DNM2: variants seen among roughly 807,000 people sequenced by gnomAD.
DNM2 encodes the protein dynamin 2.
In DNM2, 15 loss-of-function variants were observed where a neutral mutation model predicts 99.0. The observed-to-expected ratio is 0.15, with a 90% CI of 0.10 to 0.23. The LOEUF is 0.23. DNM2 is among the 10% of genes least tolerant of loss of function. DNM2 has a pLI of 1.00. For missense variants in DNM2, 742 were observed against 1,189.4 expected (o/e 0.62, Z 5.53); for synonymous variants, 525 against 481.2 (o/e 1.09, Z -1.19).
intron 1 of DNM2, among the ~76,000 whole-genome samples, chr19:10,738,128 C>T (rs1233369354): frequency 2.0e-5 from 3 of 152,022 alleles, no homozygotes; most frequent in African/African-American, 4.8e-5. Flanking sequence ...CGTGGTGGCT[C>T]ATGCTTGTAA....
At chr19:10,767,616 C>CT (rs1302293768) in intron 2 of DNM2, among the ~76,000 whole-genome samples, 1 of 152,216 alleles carries the variant, frequency 6.6e-6, no homozygotes, top group Non-Finnish European at 1.5e-5. Flanking sequence ...GCTTTTAAAC[C>CT]TCTATTGGGC....
chr19:10,777,848 G>T (rs1256993772), intron 5 of DNM2, among the ~76,000 whole-genome samples: 2 of 151,986 alleles, frequency 1.3e-5, no homozygotes, highest in Non-Finnish European at 2.9e-5. Context: ...ACTTGCCTTG[G>T]CCTCCCAAAG....
chr19:10,830,366 C>A lies in DNM2; in HGVS notation c.2531C>A (p.Pro844Gln). The A allele has an allele frequency of 6.2e-7, 1 of 1,610,680 alleles. No individual in the cohort carries two copies. The highest frequency in any genetic ancestry group is 8.5e-7 in the Non-Finnish European group (1 of 1,179,590). The change falls in exon 20 of 21, where the codon CCA becomes CAA. Residue 844 changes from proline to glutamine, a missense_variant. By Grantham distance (76) the Pro-to-Gln change is moderately conservative. Coordinates refer to ENST00000389253, the MANE Select transcript of DNM2 (RefSeq NM_001005361.3). The surrounding 1 kb of genome is among the most constrained non-coding windows in gnomAD (Gnocchi z 4.8). The stretch of plus-strand genomic sequence containing the variant: ...GTTCGGATCCCCCCAGGGATTCCCC[C>A]AGGAGTGCCCAGGTAAGGCCAACCC... ...RPVRIPPGIP[P>Q]GVPSRRPPAA... is the part of the protein sequence containing the mutation.
intron 2 of DNM2, chr19:10,769,563 G>A (rs2070910355): frequency 6.6e-6 from 1 of 152,330 alleles, no homozygotes; most frequent in African/African-American, 2.4e-5. Flanking sequence ...CTCTTTGAAG[G>A]GAGATGGTCT....
intron 1 of DNM2, among the ~76,000 whole-genome samples, chr19:10,732,299 GAAAAAAAA>G: frequency 1.1e-5 from 1 of 91,022 alleles, no homozygotes; most frequent in South Asian, 3.9e-4. Context: ...TCGTTGTGGA[GAAAAAAAA>G]AAAAAAAAAA....
intron 6 of DNM2, chr19:10,786,300 A>G (rs2071555199): frequency 1.8e-6 from 1 of 541,740 alleles, no homozygotes; most frequent in Non-Finnish European, 3.3e-6. Flanking sequence ...TTGTCCTCCA[A>G]GGCGTGGATA....
Position 10,795,867 on chromosome 19 carries a change from T to C in DNM2, c.1196+428T>C, listed in dbSNP as rs554814272. 1.9e-5 allele frequency: 15 copies of C among 806,056 alleles called. No homozygotes were observed. In the South Asian group the frequency reaches 2.2e-4, roughly 12 times the overall value. The allele number at this position is 806,056 out of a possible 1,614,324, so 49.9% of individuals were successfully genotyped here. Reference sequence around the variant, plus strand: ...TTCTAACAAAGGTAGTTGCTCCAGGTGTCTGCCCTTCCATCGCCGTGGGGT... The same window carrying C: ...TTCTAACAAAGGTAGTTGCTCCAGGCGTCTGCCCTTCCATCGCCGTGGGGT... On this transcript the variant is annotated intron_variant, in intron 9 of 20. Coordinates refer to ENST00000389253, the MANE Select transcript of DNM2 (RefSeq NM_001005361.3). The surrounding 1 kb of genome is among the most constrained non-coding windows in gnomAD (Gnocchi z 4.2).
rs945311773 is a variant in DNM2 at position 10,756,735 on chromosome 19, G to GTCTTGCCTCCTCCCACTC, written c.162-2999_162-2982dup. On this transcript the variant is annotated intron_variant, in intron 1 of 20. Transcript: ENST00000389253. ...AAGTGTCTGTAGGGCGCTCCCCTCT[G>GTCTTGCCTCCTCCCACTC]TCTTGCCTCCTCCCACTCTCTGGCT... is the stretch of plus-strand genomic sequence containing the variant. 7.3e-4 allele frequency among the ~76,000 whole-genome samples: 111 copies of GTCTTGCCTCCTCCCACTC among 152,160 alleles called. 1 individual carries two copies. In the East Asian group the frequency reaches 0.017, roughly 24 times the overall value.
At chr19:10,782,648 G>T (rs973780828) in intron 5 of DNM2, among the ~76,000 whole-genome samples, 1 of 152,124 alleles carries the variant, frequency 6.6e-6, no homozygotes, top group East Asian at 1.9e-4. Context: ...GTGAGCCACC[G>T]CTCCCGGCCG....
intron 12 of DNM2, among the ~76,000 whole-genome samples, chr19:10,804,462 G>A (rs2072266321): frequency 6.6e-6 from 1 of 152,166 alleles, no homozygotes; most frequent in African/African-American, 2.4e-5. Flanking sequence ...AGGCCAAGGT[G>A]GGTCGATTGC....
intron 2 of DNM2, among the ~76,000 whole-genome samples, chr19:10,767,291 C>T (rs1036903587): frequency 1.3e-5 from 2 of 152,052 alleles, no homozygotes; most frequent in African/African-American, 4.8e-5. Context: ...AGGCTAGGCC[C>T]TCCACTCTAT....
intron 12 of DNM2, among the ~76,000 whole-genome samples, chr19:10,803,469 G>C (rs949855501): frequency 6.6e-6 from 1 of 152,200 alleles, no homozygotes; most frequent in Admixed American, 6.5e-5. Context: ...CCCGGCCGCC[G>C]GGTGTGTGTG....
intron 7 of DNM2, among the ~76,000 whole-genome samples, chr19:10,789,866 A>C (rs1490470594): frequency 6.6e-6 from 1 of 152,168 alleles, no homozygotes; most frequent in Non-Finnish European, 1.5e-5. Flanking sequence ...TAAATAAATA[A>C]ATTTAAATAC....
At chr19:10,726,820 G>A (rs891856579) in intron 1 of DNM2, among the ~76,000 whole-genome samples, 1 of 152,220 alleles carries the variant, frequency 6.6e-6, no homozygotes, top group Non-Finnish European at 1.5e-5. Context: ...CCGAGATTGC[G>A]CCGCTGCACT....
chr19:10,802,451 G>A, intron 12 of DNM2, 93 bp downstream of exon 12: 1 of 1,409,576 alleles, frequency 7.1e-7, no homozygotes, highest in Non-Finnish European at 1.0e-6. Flanking sequence ...TGAGAGGGCA[G>A]GTGTCAGACA....
Position 10,824,875 on chromosome 19 carries a change from G to C in DNM2, c.1894-182G>C, listed in dbSNP as rs1040081699. ...AGGGGATCCACCCCAGCATCAGCCA[G>C]GGTCACCCCATTGTTTGGGCAGCTC... On this transcript the variant is annotated intron_variant, in intron 17 of 20. Transcript: ENST00000389253. The C allele has an allele frequency of 9.2e-6, 8 of 867,844 alleles. No homozygotes were observed. In the South Asian group the frequency reaches 1.2e-4, roughly 13 times the overall value. 53.8% of individuals were successfully genotyped at this position (867,844 alleles called of 1,614,324 possible). A position where few individuals can be genotyped will look rare whatever the true frequency, so the allele number is the denominator to read the frequency against.
rs2071007730 is a variant in DNM2 at position 10,772,254 on chromosome 19, T to A, written c.236-225T>A. On this transcript the variant is annotated intron_variant, in intron 2 of 20. Transcript: ENST00000389253. This position sits in a 1 kb window ranked among gnomAD's most constrained non-coding sequence, Gnocchi z 4.9. ...GCCACCATGCCAGGCTAATTTTTTG[T>A]ATTTTTAGTAGAGACAGGGTTTCAC... Among the ~76,000 whole-genome samples the A allele has an allele frequency of 6.6e-6, 1 of 151,898 alleles. No homozygotes were observed. Among genetic ancestry groups the A allele is most frequent in the African/African-American group, 2.4e-5 (1 of 41,338 alleles).
At chr19:10,728,593 C>T (rs1410100769) in intron 1 of DNM2, among the ~76,000 whole-genome samples, 2 of 152,156 alleles carry the variant, frequency 1.3e-5, no homozygotes, top group Non-Finnish European at 1.5e-5. Context: ...CCACTCTACA[C>T]CAGTTGCTGG....
At chr19:10,744,225 G>A (rs1020528110) in intron 1 of DNM2, among the ~76,000 whole-genome samples, 2 of 152,128 alleles carry the variant, frequency 1.3e-5, no homozygotes, top group African/African-American at 2.4e-5. Flanking sequence ...CCAAGCCTGT[G>A]GGGCAGGGAG....
Sources: allele counts gnomAD v4.1 joint callset (sites outside exome capture counted in the v4.1 genomes callset), GRCh38; gene constraint gnomAD v4.1.1; non-coding constraint Gnocchi (gnomAD v3.1); transcripts MANE v1.5; gene names NCBI Gene and HGNC (gene_info 2026-07-23, HGNC 2026-07-21).